The following TBCE variants were observed in gnomAD, a reference collection of about 807,000 sequenced individuals.
TBCE encodes the protein tubulin folding cofactor E, also known as tubulin-specific chaperone E.
In TBCE, 53 loss-of-function variants were observed where a neutral mutation model predicts 77.0. That is an observed-to-expected ratio of 0.69 (90% confidence interval 0.55 to 0.87). The LOEUF (loss-of-function observed/expected upper bound fraction) is 0.87. Among genes scored for constraint, TBCE ranks in the 40% least tolerant of loss-of-function variants. The probability of loss-of-function intolerance (pLI) is 0.00; values close to 1 mark genes in which losing one functional copy is unlikely to be tolerated. For synonymous variants in TBCE, 235 were observed against 241.3 expected (o/e 0.97, Z 0.24); for missense variants, 624 against 622.4 (o/e 1.00, Z -0.03).
intron 13 of TBCE, among the ~76,000 whole-genome samples, chr1:235,440,049 C>T (rs1274805826): frequency 2.0e-5 from 3 of 152,022 alleles, no homozygotes; most frequent in Non-Finnish European, 4.4e-5. Context: ...CCGCTCACTG[C>T]AAGCTCCGCC....
At chr1:235,446,695 G>GTTT (rs11405266) in intron 15 of TBCE, among the ~76,000 whole-genome samples, 2 of 138,954 alleles carry the variant, frequency 1.4e-5, no homozygotes, top group Admixed American at 7.2e-5. Flanking sequence ...GAGTAGGCAG[G>GTTT]TTTTTTTTTT....
rs771313469 is a variant in TBCE at position 235,419,553 on chromosome 1, C to A, written c.452C>A (p.Ala151Glu). The A allele has an allele frequency of 1.3e-5, 21 of 1,614,034 alleles. No individual in the cohort carries two copies. The highest frequency in any genetic ancestry group is 1.8e-5 in the Non-Finnish European group (21 of 1,180,018). The change falls in exon 5 of 17, where the codon GCA (alanine) becomes GAA (glutamate). Residue 151 changes from alanine (A) to glutamate (E), a missense_variant. Coordinates refer to ENST00000642610, the MANE Select transcript of TBCE (RefSeq NM_003193.5). ...CAGEKGGVAEACPNIRKVDLS... is the reference protein window; with the variant it reads ...CAGEKGGVAEECPNIRKVDLS... Reference sequence around the variant, plus strand: ...GGTGAAAAAGGAGGAGTTGCTGAAGCATGTCCTAGTATCCTTTTCACCGAG... The same window carrying A: ...GGTGAAAAAGGAGGAGTTGCTGAAGAATGTCCTAGTATCCTTTTCACCGAG...
At chr1:235,372,973 A>G (rs1484352842) in intron 1 of TBCE, among the ~76,000 whole-genome samples, 1 of 151,408 alleles carries the variant, frequency 6.6e-6, no homozygotes, top group Non-Finnish European at 1.5e-5. Flanking sequence ...AAATTGTGGT[A>G]TCATACTTGG....
chr1:235,383,297 G>C (rs1206323981), intron 2 of TBCE, among the ~76,000 whole-genome samples: 1 of 152,010 alleles, frequency 6.6e-6, no homozygotes, highest in Non-Finnish European at 1.5e-5. Flanking sequence ...ATGGCGATGC[G>C]GGCTCTTTTT....
rs1201664607 is a variant in TBCE at position 235,448,727 on chromosome 1, G to GTGGAAAA, written c.1554_1560dup (p.Asp521LysfsTer14). The GTGGAAAA allele has an allele frequency of 6.2e-7, 1 of 1,613,940 alleles. No homozygotes were observed. Among genetic ancestry groups the GTGGAAAA allele is most frequent in the African/African-American group, 1.3e-5 (1 of 74,906 alleles). On this transcript the variant is annotated frameshift_variant, in exon 17 of 17. Transcript: ENST00000642610. LOFTEE classifies it high-confidence loss of function. ...CCTAAAGTCATTACAGTTTTATTCT[G>GTGGAAAA]TGGAAAATGGAGATTGTCTATTAGT...
At chr1:235,448,461 CAA>C (rs1329018821) in intron 16 of TBCE, 21 bp downstream of exon 16, 1 of 1,604,868 alleles carries the variant, frequency 6.2e-7, no homozygotes, top group East Asian at 2.2e-5. Flanking sequence ...CAGCAAAATA[CAA>C]AGTCAAAGTC....
chr1:235,374,219 G>A (rs1027644677), intron 1 of TBCE, among the ~76,000 whole-genome samples: 1 of 145,948 alleles, frequency 6.9e-6, no homozygotes, highest in Admixed American at 6.8e-5. Context: ...GCCTCCCAAA[G>A]TACTGGGATT....
intron 1 of TBCE, 131 bp downstream of exon 1, chr1:235,367,635 C>T (rs1312557601): frequency 6.6e-6 from 1 of 152,660 alleles, no homozygotes; most frequent in East Asian, 1.9e-4. Flanking sequence ...TTGCCTGCTC[C>T]GTGCGCTGGG....
chr1:235,450,285 T>C lies in TBCE; in HGVS notation c.*1523T>C, dbSNP rs1682818595. 1.2e-6 allele frequency: 2 copies of C among 1,614,026 alleles called. No individual in the cohort carries two copies. Among genetic ancestry groups the C allele is most frequent in the Non-Finnish European group, 1.7e-6 (2 of 1,179,880 alleles). On this transcript the variant is annotated 3_prime_UTR_variant, in exon 17 of 17. Transcript: ENST00000642610. Reference sequence around the variant, plus strand: ...TTCCGTCAGTTCCCACGGAGAATACTGAGGAGAAGACAGCATTCCTGTCTC... The same window carrying C: ...TTCCGTCAGTTCCCACGGAGAATACCGAGGAGAAGACAGCATTCCTGTCTC...
chr1:235,448,381 C>T lies in TBCE; in HGVS notation c.1432C>T (p.Leu478=). The T allele has an allele frequency of 6.2e-7, 1 of 1,614,128 alleles. No individual in the cohort carries two copies. The change falls in exon 16 of 17, where the codon CTG becomes TTG. Residue 478 remains leucine (L), a synonymous_variant. Transcript: ENST00000642610. Reference sequence around the variant, plus strand: ...GACAATTCAAAAGGTGAAGGGATTGCTGTCACGTCTTCTCAAAGTTCCTGT... The same window carrying T: ...GACAATTCAAAAGGTGAAGGGATTGTTGTCACGTCTTCTCAAAGTTCCTGT... ...SMTIQKVKGL[L]SRLLKVPVSD...
In TBCE at chr1:235,382,431, A is replaced by G. The variant is rs1311809337; in HGVS notation, c.100+2282A>G. 6.6e-5 allele frequency among the ~76,000 whole-genome samples: 10 copies of G among 152,266 alleles called. No individual in the cohort carries two copies. The East Asian group carries it at 1.5e-3, about 24-fold the overall frequency. On this transcript the variant is annotated intron_variant, in intron 2 of 16. Transcript: ENST00000642610. ...GTTGAACTAGTTGACAGTCCCACCAACAGTGTAAAAGTGTTCCTATTTCTC... is the reference window on the plus strand; with the variant it reads ...GTTGAACTAGTTGACAGTCCCACCAGCAGTGTAAAAGTGTTCCTATTTCTC...
intron 1 of TBCE, among the ~76,000 whole-genome samples, chr1:235,370,746 T>A (rs1440853471): frequency 5.3e-5 from 5 of 94,368 alleles, no homozygotes; most frequent in South Asian, 5.5e-4. Flanking sequence ...TTGTCTTTTC[T>A]TTTTTTTTTT....
At chr1:235,447,777 CACT>C (rs949388614) in intron 15 of TBCE, among the ~76,000 whole-genome samples, 8 of 152,118 alleles carry the variant, frequency 5.3e-5, no homozygotes, top group Non-Finnish European at 1.0e-4. Context: ...GAAAGAAATA[CACT>C]ACTGAAATGG....
chr1:235,421,257 A>G (rs978318611), intron 5 of TBCE, among the ~76,000 whole-genome samples: 2 of 152,136 alleles, frequency 1.3e-5, no homozygotes, highest in African/African-American at 4.8e-5. Flanking sequence ...AAATTAAACA[A>G]AGCAAAACAA....
chr1:235,374,293 C>T lies in TBCE; in HGVS notation c.-31-5726C>T, dbSNP rs187800379. On this transcript the variant is annotated intron_variant, in intron 1 of 16. Transcript: ENST00000642610. ...TGAATGCTTTTCAGACCATTGTACCCCACGTGCAGGTCAGGCCACATCTGG... is the reference window on the plus strand; with the variant it reads ...TGAATGCTTTTCAGACCATTGTACCTCACGTGCAGGTCAGGCCACATCTGG... Among the ~76,000 whole-genome samples, 14 of 146,024 alleles carry T rather than the reference C, an allele frequency of 9.6e-5. 3 individuals carry two copies. Among genetic ancestry groups the T allele is most frequent in the African/African-American group, 3.4e-4 (13 of 37,926 alleles).
At chr1:235,430,378 G>C in intron 6 of TBCE, 3 of 305,762 alleles carry the variant, frequency 9.8e-6, no homozygotes, top group Non-Finnish European at 1.9e-5. Context: ...GCAGTATCCA[G>C]AGCCATATCT....
chr1:235,372,333 C>T (rs1677021953), intron 1 of TBCE, among the ~76,000 whole-genome samples: 1 of 152,164 alleles, frequency 6.6e-6, no homozygotes, highest in Admixed American at 6.6e-5. Context: ...GTTGGGATTA[C>T]AGGCGTGAGC....
At chr1:235,440,187 G>A (rs533468792) in intron 13 of TBCE, among the ~76,000 whole-genome samples, 2 of 152,212 alleles carry the variant, frequency 1.3e-5, no homozygotes, top group Non-Finnish European at 2.9e-5. Flanking sequence ...AGCCAGGATG[G>A]TCTCGATCTC....
intron 15 of TBCE, among the ~76,000 whole-genome samples, chr1:235,444,489 T>A (rs1249467206): frequency 6.6e-6 from 1 of 152,154 alleles, no homozygotes; most frequent in African/African-American, 2.4e-5. Flanking sequence ...CTCCATCACC[T>A]TGATCCCGGG....
Sources: gnomAD v4.1 joint callset for allele counts (sites outside exome capture counted in the v4.1 genomes callset) on GRCh38, gnomAD v4.1.1 for gene constraint, MANE v1.5 for transcripts, NCBI Gene and HGNC (gene_info 2026-07-23, HGNC 2026-07-21) for gene names.